The following SPOCK2 variants were observed in gnomAD, a reference collection of about 807,000 sequenced individuals.
The protein encoded by SPOCK2 is SPARC (osteonectin), cwcv and kazal like domains proteoglycan 2.
A neutral mutation model predicts 60.1 loss-of-function variants in SPOCK2; 39 were observed. The ratio of observed to expected loss-of-function variants is 0.65; its 90% CI spans 0.50 to 0.85. The LOEUF (loss-of-function observed/expected upper bound fraction) is 0.85. Among genes scored for constraint, SPOCK2 ranks in the 40% least tolerant of loss-of-function variants. SPOCK2 has a pLI of 0.00. For missense variants in SPOCK2, 523 were observed against 567.4 expected, an observed-to-expected ratio of 0.92 and a Z score of 0.80; for synonymous variants, 217 against 231.5, an observed-to-expected ratio of 0.94 and a Z score of 0.57.
intron 1 of SPOCK2, chr10:72,086,814 C>T (rs2131825728): frequency 1.3e-6 from 2 of 1,530,072 alleles, no homozygotes; most frequent in Middle Eastern, 1.7e-4. Context: ...AGTCACTTGT[C>T]TGACGGTAAC....
intron 8 of SPOCK2, among the ~76,000 whole-genome samples, chr10:72,066,257 A>G (rs1201387495): frequency 6.6e-6 from 1 of 151,754 alleles, no homozygotes; most frequent in Non-Finnish European, 1.5e-5. Flanking sequence ...TTCACCTCTA[A>G]GACCCTCACT....
At chr10:72,063,867 C>T (rs1036464603) in intron 9 of SPOCK2, among the ~76,000 whole-genome samples, 1 of 152,210 alleles carries the variant, frequency 6.6e-6, no homozygotes, top group African/African-American at 2.4e-5. Context: ...AAACATTAGT[C>T]ACACCCTTGC....
rs933930183 is a variant in SPOCK2 at position 72,059,212 on chromosome 10, G to C, written c.*3548C>G. The C allele has an allele frequency of 6.5e-6, 1 of 152,762 alleles. No homozygotes were observed. Among genetic ancestry groups the C allele is most frequent in the African/African-American group, 2.4e-5 (1 of 41,430 alleles). 9.5% of individuals were successfully genotyped at this position (152,762 alleles called of 1,614,324 possible). ...GAGAGGATGGGGGCGCAGGGGAAAG[G>C]CAGGGCTGGATGACTCACGGGACTC... On this transcript the variant is annotated 3_prime_UTR_variant, in exon 11 of 11. Coordinates refer to ENST00000373109, the MANE Select transcript of SPOCK2 (RefSeq NM_001244950.2).
intron 1 of SPOCK2, among the ~76,000 whole-genome samples, chr10:72,082,353 C>T (rs958005245): frequency 1.3e-5 from 2 of 152,202 alleles, no homozygotes; most frequent in Non-Finnish European, 2.9e-5. Flanking sequence ...ACATTTTTCC[C>T]ATCCACGGCT....
chr10:72,065,454 G>A (rs1840555971), intron 8 of SPOCK2, among the ~76,000 whole-genome samples: 1 of 152,362 alleles, frequency 6.6e-6, no homozygotes, highest in South Asian at 2.1e-4. Context: ...AGGTGCACAG[G>A]AGGCCGCACC....
chr10:72,072,414 G>A lies in SPOCK2; in HGVS notation c.244+89C>T, dbSNP rs1210084308. 6 of 1,575,998 alleles carry A rather than the reference G, an allele frequency of 3.8e-6. No homozygotes were observed. The East Asian group carries it at 9.0e-5, about 24-fold the overall frequency. ...TCCCCACCGGGGCCTGGCTGCTCAA[G>A]GAGCCCCCAAGCGGGCTAAGGGCTT... On this transcript the variant is annotated intron_variant, in intron 3 of 10. Coordinates refer to ENST00000373109, the MANE Select transcript of SPOCK2 (RefSeq NM_001244950.2).
intron 1 of SPOCK2, chr10:72,086,826 A>G (rs1840862515): frequency 1.3e-6 from 2 of 1,538,912 alleles, no homozygotes; most frequent in South Asian, 1.2e-5. Context: ...GACGGTAACA[A>G]AAAGATCCAA....
In SPOCK2 at chr10:72,087,183, GC is replaced by G. The variant is rs1480128448; in HGVS notation, c.189+956del. Among the ~76,000 whole-genome samples the G allele has an allele frequency of 6.6e-6, 1 of 150,918 alleles. No individual in the cohort carries two copies. Among genetic ancestry groups the G allele is most frequent in the African/African-American group, 2.4e-5 (1 of 40,992 alleles). On this transcript the variant is annotated intron_variant, in intron 1 of 10. Transcript: ENST00000373109. This position sits in a 1 kb window ranked among gnomAD's most constrained non-coding sequence, Gnocchi z 4.7. The stretch of plus-strand genomic sequence containing the variant: ...GCCCTGCCTCACCCCTGCTTCCCCA[GC>G]CCCCAACCCGGCCCGGCCGAGAGGA...
intron 8 of SPOCK2, 119 bp from the exon 9 acceptor site, chr10:72,064,359 T>A: frequency 5.4e-6 from 6 of 1,107,206 alleles, no homozygotes; most frequent in Non-Finnish European, 6.2e-6. Flanking sequence ...ACCCCGTTTC[T>A]GACACGGGGT....
intron 8 of SPOCK2, among the ~76,000 whole-genome samples, chr10:72,064,911 T>C (rs1454760159): frequency 7.1e-6 from 1 of 140,064 alleles, no homozygotes; most frequent in African/African-American, 2.5e-5. Flanking sequence ...TTTGTATTTT[T>C]AGTAGAGACG....
rs1788797113 is a variant in SPOCK2, at chr10:72,088,219, T to C, written c.110A>G (p.Asn37Ser). ...KGLKEGETPG[N>S]FMEDEQWLSS... The stretch of plus-strand genomic sequence containing the variant: ...CAGCCATTGCTCGTCCTCCATGAAA[T>C]TGCCGGGGGTCTCGCCCTCCTTGAG... The change falls in exon 1 of 11, where the codon AAT becomes AGT. Residue 37 changes from asparagine (N) to serine (S), a missense_variant. Coordinates refer to ENST00000373109, the MANE Select transcript of SPOCK2 (RefSeq NM_001244950.2). 6.2e-7 allele frequency: 1 copy of C among 1,612,598 alleles called. No individual in the cohort carries two copies. The highest frequency in any genetic ancestry group is 1.1e-5 in the South Asian group (1 of 91,038).
At chr10:72,067,244 A>G in intron 7 of SPOCK2, 124 bp from the exon 8 acceptor site, 2 of 999,864 alleles carry the variant, frequency 2.0e-6, no homozygotes, top group South Asian at 3.3e-5. Flanking sequence ...TTGGAATCTA[A>G]CCATGGGATT....
chr10:72,084,908 A>G (rs1840834988), intron 1 of SPOCK2, among the ~76,000 whole-genome samples: 1 of 152,178 alleles, frequency 6.6e-6, no homozygotes, highest in Non-Finnish European at 1.5e-5. Context: ...AACTTATATG[A>G]ACTGTGCGCC....
chr10:72,067,656 G>A lies in SPOCK2; in HGVS notation c.666C>T (p.Ser222=). Residue 222 remains serine, a synonymous_variant, in exon 7 of 11, where the codon TCC becomes TCT. Coordinates refer to ENST00000373109, the MANE Select transcript of SPOCK2 (RefSeq NM_001244950.2). ...RDWFQLLHEN[S]KQNGSASSVA... The stretch of plus-strand genomic sequence containing the variant: ...CACTGCTGGCTGAGCCATTCTGCTT[G>A]GAGTTCTCATGAAGGAGCTGGAACC... 8 of 1,613,780 alleles carry A rather than the reference G, an allele frequency of 5.0e-6. No individual in the cohort carries two copies. Among genetic ancestry groups the A allele is most frequent in the Non-Finnish European group, 6.8e-6 (8 of 1,180,030 alleles).
chr10:72,086,962 G>T, intron 1 of SPOCK2: 1 of 1,551,712 alleles, frequency 6.4e-7, no homozygotes, highest in Non-Finnish European at 8.7e-7. Context: ...GGTGTGGCCT[G>T]CGTTGTACTG....
rs1053036179 is a variant in SPOCK2 at position 72,077,805 on chromosome 10, C to T, written c.190-4895G>A. 4.6e-5 allele frequency among the ~76,000 whole-genome samples: 7 copies of T among 152,298 alleles called. 1 individual carries two copies. In the East Asian group the frequency reaches 1.4e-3, roughly 29 times the overall value. On this transcript the variant is annotated intron_variant, in intron 1 of 10. Coordinates refer to ENST00000373109, the MANE Select transcript of SPOCK2 (RefSeq NM_001244950.2). Reference sequence around the variant, plus strand: ...GAGCACGCTTACCGTGCCACCCTCACCAACCCAAAGACTGTCCTGCCCCTT... The same window carrying T: ...GAGCACGCTTACCGTGCCACCCTCATCAACCCAAAGACTGTCCTGCCCCTT...
chr10:72,074,239 C>G (rs1283630507), intron 1 of SPOCK2, among the ~76,000 whole-genome samples: 2 of 152,114 alleles, frequency 1.3e-5, no homozygotes, highest in African/African-American at 4.8e-5. Context: ...GCTTCTGAAG[C>G]CTCCCCTGGA....
chr10:72,067,815 G>T, intron 6 of SPOCK2, 83 bp from the exon 7 acceptor site: 1 of 1,543,522 alleles, frequency 6.5e-7, no homozygotes. Flanking sequence ...TGCCCTACAG[G>T]CCAGGAGGCT....
intron 1 of SPOCK2, among the ~76,000 whole-genome samples, chr10:72,084,035 G>A (rs1840823090): frequency 6.6e-6 from 1 of 152,086 alleles, no homozygotes. Flanking sequence ...CTAAACACAC[G>A]ATATTGTTAG....
Sources: allele counts gnomAD v4.1 joint callset (sites outside exome capture counted in the v4.1 genomes callset), GRCh38; gene constraint gnomAD v4.1.1; non-coding constraint Gnocchi (gnomAD v3.1); transcripts MANE v1.5; gene names NCBI Gene and HGNC (gene_info 2026-07-23, HGNC 2026-07-21).